The following PRKCH variants were observed in gnomAD, a reference collection of about 807,000 sequenced individuals.
PRKCH encodes protein kinase C eta.
A neutral mutation model predicts 82.5 loss-of-function variants in PRKCH; 28 were observed. The observed-to-expected ratio is 0.34, with a 90% CI of 0.25 to 0.47. The LOEUF (loss-of-function observed/expected upper bound fraction) is 0.47. Ranked by LOEUF, PRKCH falls within the 20% of genes least tolerant of loss-of-function variation. The pLI is 1.00. For synonymous variants in PRKCH, 322 were observed against 327.4 expected (o/e 0.98, Z 0.18); for missense variants, 705 against 881.8 (o/e 0.80, Z 2.54).
chr14:61,491,885 T>C (rs966985663), intron 10 of PRKCH, among the ~76,000 whole-genome samples: 1 of 152,206 alleles, frequency 6.6e-6, no homozygotes, highest in African/African-American at 2.4e-5. Context: ...CAAATGATTA[T>C]ACCAATAAAA....
At chr14:61,448,101 G>A (rs1957478056) in intron 4 of PRKCH, among the ~76,000 whole-genome samples, 2 of 152,168 alleles carry the variant, frequency 1.3e-5, no homozygotes, top group South Asian at 2.1e-4. Context: ...TGTGAAGGAT[G>A]GTTTTGAGAT....
At position 61,229,287 on chromosome 14, in the gene PRKCH, G is replaced by C. The variant is rs142077068; in HGVS notation, c.-19+41619G>C. On this transcript the variant is annotated intron_variant, in intron 1 of 3. Coordinates refer to the PRKCH transcript ENST00000555185. ...GTTTAAGATTCATTGAGGGTTGGTG[G>C]GCAGGCGCTAAGTATACTGTACAAT... 4.0e-4 allele frequency among the ~76,000 whole-genome samples: 61 copies of C among 152,244 alleles called. 2 individuals carry two copies. Among genetic ancestry groups the C allele is most frequent in the African/African-American group, 1.4e-3 (59 of 41,556 alleles).
At chr14:61,451,404 G>A (rs7145501) in intron 6 of PRKCH, among the ~76,000 whole-genome samples, 151,937 of 152,304 alleles carry the variant, frequency 1, 75,786 homozygotes, top group Middle Eastern at 1. Flanking sequence ...AGAAGGTTGG[G>A]TTAAGAGTAA....
At chr14:61,276,947 G>T (rs2045208812) in intron 1 of PRKCH, among the ~76,000 whole-genome samples, 1 of 152,126 alleles carries the variant, frequency 6.6e-6, no homozygotes. Flanking sequence ...ACTTTGGGAG[G>T]CCAAGGCGGG....
At chr14:61,269,784 G>A (rs1594883424) in intron 1 of PRKCH, among the ~76,000 whole-genome samples, 1 of 152,206 alleles carries the variant, frequency 6.6e-6, no homozygotes, top group Non-Finnish European at 1.5e-5. Flanking sequence ...TCTTTAGAAC[G>A]GGATTCTCAT....
At chr14:61,448,647 T>A (rs185379216) in intron 4 of PRKCH, among the ~76,000 whole-genome samples, 204 of 152,226 alleles carry the variant, frequency 1.3e-3, no homozygotes, top group African/African-American at 4.6e-3. Context: ...ACTTAAGATT[T>A]GGTTAGTTGA....
intron 9 of PRKCH, among the ~76,000 whole-genome samples, chr14:61,479,178 C>T (rs778468734): frequency 1.3e-5 from 2 of 152,184 alleles, no homozygotes; most frequent in African/African-American, 2.4e-5. Context: ...TGTCCATCCA[C>T]CCACCCAGTC....
At chr14:61,275,342 C>T (rs79681003) in intron 1 of PRKCH, among the ~76,000 whole-genome samples, 6,971 of 152,226 alleles carry the variant, frequency 0.046, 200 homozygotes, top group Non-Finnish European at 0.064. Flanking sequence ...AAGATTAATG[C>T]GACCATATAG....
At chr14:61,472,316 A>C (rs897244278) in intron 9 of PRKCH, among the ~76,000 whole-genome samples, 1 of 152,246 alleles carries the variant, frequency 6.6e-6, no homozygotes, top group African/African-American at 2.4e-5. Context: ...TAATAATTAC[A>C]CTTTCACTTT....
chr14:61,254,077 A>G (rs1294221174), intron 1 of PRKCH, among the ~76,000 whole-genome samples: 1 of 147,350 alleles, frequency 6.8e-6, no homozygotes, highest in African/African-American at 2.5e-5. Context: ...TCGAAACTCT[A>G]TGCGAGACAT....
In PRKCH at chr14:61,279,978, A is replaced by G. The variant is rs375847396; in HGVS notation, c.-19+92310A>G. On this transcript the variant is annotated intron_variant, in intron 1 of 3. Transcript: ENST00000555185. The stretch of plus-strand genomic sequence containing the variant: ...TCCCTTATCTGGTCCCCTCATTCAC[A>G]AAGGGAGGAAAAGCTAGGCGAGGTT... 1.1e-4 allele frequency: 101 copies of G among 918,478 alleles called. No homozygotes were observed. In the East Asian group the frequency reaches 2.1e-3, roughly 20 times the overall value. 56.9% of individuals were successfully genotyped at this position (918,478 alleles called of 1,614,324 possible). A position where few individuals can be genotyped will look rare whatever the true frequency, so the allele number is the denominator to read the frequency against.
intron 1 of PRKCH, among the ~76,000 whole-genome samples, chr14:61,354,837 C>T (rs942596129): frequency 6.6e-6 from 1 of 152,172 alleles, no homozygotes. Flanking sequence ...TTGCCTTCCT[C>T]ATTAGACTAT....
intron 12 of PRKCH, among the ~76,000 whole-genome samples, chr14:61,540,142 C>G (rs985980763): frequency 6.6e-6 from 1 of 152,178 alleles, no homozygotes; most frequent in African/African-American, 2.4e-5. Flanking sequence ...AAGGATGCCT[C>G]GGATTTTTTC....
intron 2 of PRKCH, among the ~76,000 whole-genome samples, chr14:61,442,394 C>G (rs1370146080): frequency 6.6e-6 from 1 of 152,046 alleles, no homozygotes; most frequent in Non-Finnish European, 1.5e-5. Context: ...GTGCTGTGGG[C>G]GATTCCCTCA....
intron 1 of PRKCH, among the ~76,000 whole-genome samples, chr14:61,374,481 C>T (rs2046404676): frequency 6.6e-6 from 1 of 152,086 alleles, no homozygotes; most frequent in African/African-American, 2.4e-5. Context: ...GGCTCCATCC[C>T]TGCAGCAGAC....
At chr14:61,294,690 G>T (rs944959530) in intron 1 of PRKCH, among the ~76,000 whole-genome samples, 7 of 151,764 alleles carry the variant, frequency 4.6e-5, no homozygotes, top group African/African-American at 1.7e-4. Context: ...ACTGAAGACC[G>T]AATAAAAAGT....
intron 1 of PRKCH, among the ~76,000 whole-genome samples, chr14:61,231,634 A>G (rs775233037): frequency 2.2e-4 from 33 of 152,120 alleles, no homozygotes; most frequent in Non-Finnish European, 3.7e-4. Flanking sequence ...GGCCTCCCAT[A>G]GTGCTGGGAT....
chr14:61,271,408 G>A (rs953123636), intron 1 of PRKCH, among the ~76,000 whole-genome samples: 1 of 152,084 alleles, frequency 6.6e-6, no homozygotes, highest in African/African-American at 2.4e-5. Flanking sequence ...ACCTTCTCAC[G>A]CCTTCAACTC....
chr14:61,462,807 G>A (rs1227557714), intron 9 of PRKCH, among the ~76,000 whole-genome samples: 1 of 152,194 alleles, frequency 6.6e-6, no homozygotes, highest in Non-Finnish European at 1.5e-5. Context: ...CATTGTGAGG[G>A]CCTTTGTAAA....
Sources: allele counts gnomAD v4.1 joint callset (sites outside exome capture counted in the v4.1 genomes callset), GRCh38; gene constraint gnomAD v4.1.1; transcripts MANE v1.5; gene names NCBI Gene and HGNC (gene_info 2026-07-23, HGNC 2026-07-21).